The following NKAIN3 variants were observed in gnomAD, a reference collection of about 807,000 sequenced individuals.
NKAIN3 encodes the protein sodium/potassium-transporting ATPase subunit beta-1-interacting protein 3.
Under a neutral mutation model 30.2 loss-of-function variants are expected in NKAIN3, and 25 were observed. The observed-to-expected ratio is 0.83, with a 90% CI of 0.60 to 1.16. The LOEUF (loss-of-function observed/expected upper bound fraction) is 1.16. NKAIN3 is among the 50% of genes most tolerant of loss of function. The probability of loss-of-function intolerance (pLI) is 0.00; values close to 1 mark genes in which losing one functional copy is unlikely to be tolerated. For synonymous variants in NKAIN3, 91 were observed against 89.6 expected (o/e 1.02, Z -0.09); for missense variants, 225 against 254.1 (o/e 0.89, Z 0.78).
intron 1 of NKAIN3, among the ~76,000 whole-genome samples, chr8:62,324,671 GAA>G (rs1815055142): frequency 6.6e-6 from 1 of 152,096 alleles, no homozygotes; most frequent in African/African-American, 2.4e-5. Flanking sequence ...AGGAAAAGCA[GAA>G]AGAACTATAT....
At chr8:62,893,530 C>G (rs1165096495) in intron 4 of NKAIN3, among the ~76,000 whole-genome samples, 1 of 152,152 alleles carries the variant, frequency 6.6e-6, no homozygotes. Flanking sequence ...GGGCTATGGG[C>G]TGGACATAGA....
At chr8:62,862,330 G>C (rs1820273922) in intron 4 of NKAIN3, among the ~76,000 whole-genome samples, 1 of 151,944 alleles carries the variant, frequency 6.6e-6, no homozygotes, top group Non-Finnish European at 1.5e-5. Context: ...TCAATGAATG[G>C]AATCATAACA....
chr8:62,825,623 C>T (rs1351503174), intron 4 of NKAIN3, among the ~76,000 whole-genome samples: 1 of 152,152 alleles, frequency 6.6e-6, no homozygotes. Context: ...ACCTGACTGA[C>T]AATCAGAATT....
At chr8:62,584,420 G>C (rs1810407036) in intron 2 of NKAIN3, among the ~76,000 whole-genome samples, 1 of 152,208 alleles carries the variant, frequency 6.6e-6, no homozygotes, top group African/African-American at 2.4e-5. Context: ...TCACAGCTGA[G>C]TTTAAGTAAT....
At chr8:62,774,501 C>CAAAAAA (rs1470111057) in intron 4 of NKAIN3, among the ~76,000 whole-genome samples, 1 of 152,114 alleles carries the variant, frequency 6.6e-6, no homozygotes, top group Non-Finnish European at 1.5e-5. Context: ...AGAGGAAAAG[C>CAAAAAA]TTTCAATTTT....
At chr8:62,799,183 G>A (rs1231750413) in intron 4 of NKAIN3, among the ~76,000 whole-genome samples, 3 of 152,186 alleles carry the variant, frequency 2.0e-5, no homozygotes, top group African/African-American at 7.2e-5. Flanking sequence ...CTAGGAAGCA[G>A]TCTGCCCAAA....
chr8:62,602,437 C>T lies in NKAIN3; in HGVS notation c.273+12643C>T, dbSNP rs547733998. On this transcript the variant is annotated intron_variant, in intron 3 of 6. Coordinates refer to ENST00000623646, the MANE Select transcript of NKAIN3 (RefSeq NM_001304533.3). ...CTTTGTATCTAGTTTATTGACTCAA[C>T]TCATGGGATAATAATCATGAAATGG... Among the ~76,000 whole-genome samples the T allele has an allele frequency of 1.5e-4, 23 of 152,194 alleles. No individual in the cohort carries two copies. In the East Asian group the frequency reaches 4.5e-3, roughly 30 times the overall value.
At chr8:62,985,211 C>T (rs542005575), downstream of NKAIN3, among the ~76,000 whole-genome samples, 67 of 152,336 alleles carry the variant, frequency 4.4e-4, no homozygotes, top group Admixed American at 4.1e-3. Flanking sequence ...TTACATCTCA[C>T]CCCTGCCACT....
At chr8:62,892,845 G>A (rs4593533) in intron 4 of NKAIN3, among the ~76,000 whole-genome samples, 117,384 of 152,036 alleles carry the variant, frequency 0.77, 46,143 homozygotes, top group East Asian at 0.93. Context: ...AGACACACCA[G>A]CATAAAAGAG....
chr8:62,917,792 C>A (rs1201869818), intron 4 of NKAIN3, among the ~76,000 whole-genome samples: 1 of 152,168 alleles, frequency 6.6e-6, no homozygotes. Flanking sequence ...TCTTTGGCTC[C>A]ATGGAATAAA....
chr8:62,988,396 C>T (rs998947616), downstream of NKAIN3, among the ~76,000 whole-genome samples: 42 of 152,370 alleles, frequency 2.8e-4, no homozygotes, highest in African/African-American at 4.1e-4. Flanking sequence ...ATGAGGGCTC[C>T]GCACCTGCAG....
At chr8:62,330,495 T>C (rs1176215936) in intron 1 of NKAIN3, among the ~76,000 whole-genome samples, 1 of 151,900 alleles carries the variant, frequency 6.6e-6, no homozygotes, top group Non-Finnish European at 1.5e-5. Flanking sequence ...ATACATAATT[T>C]GGCATTTTTG....
intron 1 of NKAIN3, among the ~76,000 whole-genome samples, chr8:62,518,289 G>C (rs1238339846): frequency 6.6e-6 from 1 of 152,162 alleles, no homozygotes; most frequent in East Asian, 1.9e-4. Flanking sequence ...GAACCCAAGA[G>C]GCAGAGGTTG....
At chr8:62,774,234 C>CTGATTTTTGTATGT (rs1817108816) in intron 4 of NKAIN3, among the ~76,000 whole-genome samples, 1 of 152,130 alleles carries the variant, frequency 6.6e-6, no homozygotes, top group African/African-American at 2.4e-5. Flanking sequence ...AGAATTGCTA[C>CTGATTTTTGTATGT]TGATTTTTGT....
intron 1 of NKAIN3, among the ~76,000 whole-genome samples, chr8:62,369,466 A>G (rs1252871562): frequency 6.6e-6 from 1 of 152,076 alleles, no homozygotes; most frequent in Non-Finnish European, 1.5e-5. Flanking sequence ...TTTCCCTTGC[A>G]TGTTTCTGAA....
Position 62,619,184 on chromosome 8 carries a change from C to T in NKAIN3, c.273+29390C>T, listed in dbSNP as rs79116282. Among the ~76,000 whole-genome samples, 25 of 152,266 alleles carry T rather than the reference C, an allele frequency of 1.6e-4. No homozygotes were observed. The East Asian group carries it at 4.8e-3, about 29-fold the overall frequency. ...GGCTAGGACTACAAGCTCATTGGTACCTACCTTAGCTAAGTTGAACTTGAC... is the reference window on the plus strand; with the variant it reads ...GGCTAGGACTACAAGCTCATTGGTATCTACCTTAGCTAAGTTGAACTTGAC... On this transcript the variant is annotated intron_variant, in intron 3 of 6. Coordinates refer to ENST00000623646, the MANE Select transcript of NKAIN3 (RefSeq NM_001304533.3).
Position 62,294,840 on chromosome 8 carries a change from TG to T in NKAIN3, c.54+45715del, listed in dbSNP as rs1813775778. 3.9e-5 allele frequency among the ~76,000 whole-genome samples: 6 copies of T among 152,314 alleles called. No individual in the cohort carries two copies. In the South Asian group the frequency reaches 1.2e-3, roughly 32 times the overall value. ...GAATATAAGTGTGAGTCACTGCACC[TG>T]GCCTCCTGTCGAAATTGAGTCAAAG... On this transcript the variant is annotated intron_variant, in intron 1 of 6. Coordinates refer to ENST00000623646, the MANE Select transcript of NKAIN3 (RefSeq NM_001304533.3).
At chr8:62,722,995 A>G (rs1815139583) in intron 3 of NKAIN3, among the ~76,000 whole-genome samples, 1 of 152,184 alleles carries the variant, frequency 6.6e-6, no homozygotes, top group African/African-American at 2.4e-5. Context: ...ACCATCTTCA[A>G]CTTTGCAATT....
At position 62,968,929 on chromosome 8, in the gene NKAIN3, G is replaced by T. The variant is rs1823774562; in HGVS notation, c.*3522G>T. On this transcript the variant is annotated 3_prime_UTR_variant, in exon 7 of 7. Coordinates refer to ENST00000623646, the MANE Select transcript of NKAIN3 (RefSeq NM_001304533.3). ...AGAGAATTACCAAAGGACACAAAAT[G>T]TCTTGGGTTGTGGAATAGCACACAT... is the stretch of plus-strand genomic sequence containing the variant. Among the ~76,000 whole-genome samples, 1 of 152,176 alleles carries T rather than the reference G, an allele frequency of 6.6e-6. No homozygotes were observed. Among genetic ancestry groups the T allele is most frequent in the Non-Finnish European group, 1.5e-5 (1 of 68,030 alleles).
Sources: allele counts gnomAD v4.1 joint callset (sites outside exome capture counted in the v4.1 genomes callset), GRCh38; gene constraint gnomAD v4.1.1; transcripts MANE v1.5; gene names NCBI Gene and HGNC (gene_info 2026-07-23, HGNC 2026-07-21).